The following MGAT4C variants were observed in gnomAD, a reference collection of about 807,000 sequenced individuals.
MGAT4C encodes the protein MGAT4 family member C.
Under a neutral mutation model 40.1 loss-of-function variants are expected in MGAT4C, and 19 were observed. The observed-to-expected ratio is 0.47, with a 90% CI of 0.33 to 0.70. The LOEUF (loss-of-function observed/expected upper bound fraction) is 0.70. MGAT4C is among the 30% of genes least tolerant of loss of function. The pLI is 0.02. For missense variants in MGAT4C, 491 were observed against 563.2 expected (o/e 0.87, Z 1.30); for synonymous variants, 181 against 187.1 (o/e 0.97, Z 0.27).
At chr12:86,193,884 T>G (rs1338617815) in intron 1 of MGAT4C, among the ~76,000 whole-genome samples, 3 of 152,178 alleles carry the variant, frequency 2.0e-5, no homozygotes, top group Non-Finnish European at 4.4e-5. Context: ...TCTCATTATT[T>G]TGGGAAAATT....
At chr12:86,496,927 T>G (rs971776152) in intron 2 of MGAT4C, among the ~76,000 whole-genome samples, 1 of 152,014 alleles carries the variant, frequency 6.6e-6, no homozygotes, top group Non-Finnish European at 1.5e-5. Context: ...CCCTAATAGA[T>G]ATGAATTTGA....
Position 86,477,720 on chromosome 12 carries a change from T to C in MGAT4C, c.-228-42455A>G, listed in dbSNP as rs1385363296. Reference sequence around the variant, plus strand: ...ATTAACTCGTCATTTACATTAGGTATATCTCCTAATGCTATCCTTCCCCTC... The same window carrying C: ...ATTAACTCGTCATTTACATTAGGTACATCTCCTAATGCTATCCTTCCCCTC... On this transcript the variant is annotated intron_variant, in intron 2 of 7. Transcript: ENST00000548651. 3.9e-5 allele frequency among the ~76,000 whole-genome samples: 6 copies of C among 152,216 alleles called. No homozygotes were observed. The South Asian group carries it at 1.2e-3, about 32-fold the overall frequency.
At chr12:86,823,804 T>C (rs552209383) in intron 1 of MGAT4C, among the ~76,000 whole-genome samples, 1 of 151,414 alleles carries the variant, frequency 6.6e-6, no homozygotes, top group South Asian at 2.1e-4. Context: ...GTAAGTGATA[T>C]GCAGAAAACA....
Position 86,513,024 on chromosome 12 carries a change from C to T in MGAT4C, c.-228-77759G>A, listed in dbSNP as rs138554651. Reference sequence around the variant, plus strand: ...GACATTTGCCACATAATGCTACACACTAGTTATTTATATTTATTCTTATTT... The same window carrying T: ...GACATTTGCCACATAATGCTACACATTAGTTATTTATATTTATTCTTATTT... On this transcript the variant is annotated intron_variant, in intron 2 of 7. Transcript: ENST00000548651. 3.2e-4 allele frequency among the ~76,000 whole-genome samples: 49 copies of T among 152,200 alleles called. 1 individual carries two copies. The highest frequency in any genetic ancestry group is 1.2e-3 in the Admixed American group (19 of 15,266).
intron 2 of MGAT4C, among the ~76,000 whole-genome samples, chr12:86,574,918 CAGTG>C (rs1416639764): frequency 1.3e-5 from 2 of 151,770 alleles, no homozygotes; most frequent in Non-Finnish European, 2.9e-5. Context: ...CAAGTTGATA[CAGTG>C]AGTATCTACA....
At chr12:86,058,234 A>G (rs910136441) in intron 1 of MGAT4C, among the ~76,000 whole-genome samples, 6 of 152,104 alleles carry the variant, frequency 3.9e-5, no homozygotes, top group Non-Finnish European at 5.9e-5. Context: ...AGATAATGCA[A>G]TCAAATTAAA....
intron 2 of MGAT4C, among the ~76,000 whole-genome samples, chr12:86,641,612 G>A (rs1963391402): frequency 6.6e-6 from 1 of 151,828 alleles, no homozygotes; most frequent in African/African-American, 2.4e-5. Flanking sequence ...GAAGGTGACG[G>A]TGCCGATTTT....
At chr12:86,660,859 A>C (rs760321615) in intron 2 of MGAT4C, among the ~76,000 whole-genome samples, 11 of 152,184 alleles carry the variant, frequency 7.2e-5, no homozygotes, top group Non-Finnish European at 1.6e-4. Context: ...TGCCTTATCC[A>C]TATGTAGACC....
intron 2 of MGAT4C, among the ~76,000 whole-genome samples, chr12:86,488,039 A>G (rs934371729): frequency 6.6e-6 from 1 of 152,200 alleles, no homozygotes; most frequent in Non-Finnish European, 1.5e-5. Flanking sequence ...TAAGAAAGGT[A>G]GCATTAGCTG....
At chr12:86,021,882 C>T (rs1160312413) in intron 2 of MGAT4C, among the ~76,000 whole-genome samples, 1 of 152,124 alleles carries the variant, frequency 6.6e-6, no homozygotes, top group African/African-American at 2.4e-5. Flanking sequence ...TGTACATTTT[C>T]ATACAGTAAT....
intron 1 of MGAT4C, among the ~76,000 whole-genome samples, chr12:86,249,219 T>C (rs1471447506): frequency 6.6e-6 from 1 of 152,134 alleles, no homozygotes; most frequent in Non-Finnish European, 1.5e-5. Context: ...AGTTCATAAA[T>C]AGTGAATAAA....
At chr12:86,480,204 T>C (rs1957909095) in intron 2 of MGAT4C, among the ~76,000 whole-genome samples, 1 of 151,746 alleles carries the variant, frequency 6.6e-6, no homozygotes, top group Non-Finnish European at 1.5e-5. Context: ...CTCTTGCCAT[T>C]AGAGAACATG....
chr12:86,791,266 A>G (rs894862663), intron 1 of MGAT4C, among the ~76,000 whole-genome samples: 13 of 152,164 alleles, frequency 8.5e-5, no homozygotes, highest in Admixed American at 5.2e-4. Context: ...GCTCAAAAAC[A>G]AAGGAGCTAC....
chr12:86,108,940 C>T (rs1876713492), intron 1 of MGAT4C, among the ~76,000 whole-genome samples: 1 of 152,064 alleles, frequency 6.6e-6, no homozygotes, highest in South Asian at 2.1e-4. Flanking sequence ...GGCTGTAAAC[C>T]TTCACAAGAA....
intron 1 of MGAT4C, among the ~76,000 whole-genome samples, chr12:86,144,095 C>T (rs146775797): frequency 0.026 from 4,033 of 152,254 alleles, 63 homozygotes; most frequent in Middle Eastern, 0.048. Flanking sequence ...GCTGGGCATC[C>T]AGGAGAGACC....
intron 2 of MGAT4C, among the ~76,000 whole-genome samples, chr12:86,493,430 A>G (rs1226531990): frequency 2.6e-5 from 4 of 152,184 alleles, no homozygotes; most frequent in African/African-American, 9.7e-5. Flanking sequence ...GGATTAAGAA[A>G]ATGTGGCACA....
rs1167056051 is a variant in MGAT4C at position 86,769,367 on chromosome 12, A to AAC, written c.-261-42127_-261-42126insGT. Among the ~76,000 whole-genome samples the AAC allele has an allele frequency of 2.6e-5, 4 of 151,712 alleles. 1 individual carries two copies. In the East Asian group the frequency reaches 7.8e-4, roughly 29 times the overall value. ...GGCAATCATTAAAAAGTCTGGAAACAGGTGCTGGAGAGGATGTGGAGACAT... is the reference window on the plus strand; with the variant it reads ...GGCAATCATTAAAAAGTCTGGAAACAACGGTGCTGGAGAGGATGTGGAGACAT... On this transcript the variant is annotated intron_variant, in intron 1 of 7. Transcript: ENST00000548651.
At chr12:86,603,785 A>AT (rs1961934774) in intron 2 of MGAT4C, among the ~76,000 whole-genome samples, 2 of 27,674 alleles carry the variant, frequency 7.2e-5, no homozygotes, top group African/African-American at 1.3e-4. Flanking sequence ...TATACTATAT[A>AT]ATATATAGTA....
Position 86,217,308 on chromosome 12 carries a change from G to A in MGAT4C, c.-57+38931C>T, listed in dbSNP as rs150959153. Among the ~76,000 whole-genome samples, 454 of 152,214 alleles carry A rather than the reference G, an allele frequency of 3.0e-3. 2 individuals carry two copies. Among genetic ancestry groups the A allele is most frequent in the African/African-American group, 0.01 (433 of 41,526 alleles). Reference sequence around the variant, plus strand: ...TCCTGCCTCAGCCTCCTGAGTAGTTGGGATTACAGGCACATGCCACTACTG... The same window carrying A: ...TCCTGCCTCAGCCTCCTGAGTAGTTAGGATTACAGGCACATGCCACTACTG... On this transcript the variant is annotated intron_variant, in intron 1 of 4. Transcript: ENST00000611864.
Sources: gnomAD v4.1 joint callset for allele counts (sites outside exome capture counted in the v4.1 genomes callset) on GRCh38, gnomAD v4.1.1 for gene constraint, MANE v1.5 for transcripts, NCBI Gene and HGNC (gene_info 2026-07-23, HGNC 2026-07-21) for gene names.